The following AHCYL2 variants were observed in gnomAD, a reference collection of about 807,000 sequenced individuals.
AHCYL2 encodes the protein adenosylhomocysteinase like 2.
Under a neutral mutation model 81.4 loss-of-function variants are expected in AHCYL2, and 28 were observed. That is an observed-to-expected ratio of 0.34 (90% CI 0.25 to 0.47). The LOEUF is 0.47. Ranked by LOEUF, AHCYL2 falls within the 20% of genes least tolerant of loss-of-function variation. The probability of loss-of-function intolerance (pLI) is 1.00; values close to 1 mark genes in which losing one functional copy is unlikely to be tolerated. For missense variants in AHCYL2, 551 were observed against 785.1 expected (o/e 0.70, Z 3.56); for synonymous variants, 272 against 290.2 (o/e 0.94, Z 0.64).
intron 1 of AHCYL2, among the ~76,000 whole-genome samples, chr7:129,373,312 G>A (rs1237840871): frequency 3.3e-5 from 5 of 152,144 alleles, no homozygotes; most frequent in African/African-American, 1.2e-4. Flanking sequence ...TTGGGAGGCC[G>A]AGGTGGGCGG....
chr7:129,255,248 G>A (rs895617381), intron 1 of AHCYL2, among the ~76,000 whole-genome samples: 15 of 152,014 alleles, frequency 9.9e-5, no homozygotes, highest in African/African-American at 2.7e-4. Context: ...GTGGCAGAGC[G>A]AGAGTCTGTC....
chr7:129,231,439 A>G (rs1442052327), intron 1 of AHCYL2, among the ~76,000 whole-genome samples: 1 of 152,216 alleles, frequency 6.6e-6, no homozygotes, highest in Non-Finnish European at 1.5e-5. Context: ...TCCCTCCCCC[A>G]CGAGAGAAAA....
chr7:129,363,319 T>C (rs1416414654), intron 1 of AHCYL2, among the ~76,000 whole-genome samples: 1 of 152,208 alleles, frequency 6.6e-6, no homozygotes, highest in Admixed American at 6.5e-5. Flanking sequence ...TTATAACTAG[T>C]ACTTATACCT....
At chr7:129,350,126 G>T (rs1007432833) in intron 1 of AHCYL2, among the ~76,000 whole-genome samples, 20 of 152,140 alleles carry the variant, frequency 1.3e-4, no homozygotes, top group African/African-American at 4.6e-4. Flanking sequence ...GCAGTTCAGG[G>T]TTAATCCATT....
At chr7:129,329,417 A>G (rs1261104503) in intron 1 of AHCYL2, among the ~76,000 whole-genome samples, 10 of 152,096 alleles carry the variant, frequency 6.6e-5, no homozygotes, top group Non-Finnish European at 4.4e-5. Flanking sequence ...TCCTGAGCTC[A>G]GGCAGTCCTC....
At chr7:129,232,243 C>T (rs1273700706) in intron 1 of AHCYL2, among the ~76,000 whole-genome samples, 1 of 152,196 alleles carries the variant, frequency 6.6e-6, no homozygotes, top group Non-Finnish European at 1.5e-5. Context: ...TACTCCGTGT[C>T]AGGAATCTCT....
intron 1 of AHCYL2, among the ~76,000 whole-genome samples, chr7:129,311,862 GA>G (rs1179451716): frequency 6.6e-6 from 1 of 152,178 alleles, no homozygotes; most frequent in Non-Finnish European, 1.5e-5. Context: ...GTTAGGTTCT[GA>G]CTCTTGCAGT....
intron 1 of AHCYL2, among the ~76,000 whole-genome samples, chr7:129,366,803 A>G (rs924572764): frequency 6.6e-6 from 1 of 152,096 alleles, no homozygotes; most frequent in Non-Finnish European, 1.5e-5. Context: ...GTTTATAGAA[A>G]GTTTATTTTG....
chr7:129,393,113 T>C (rs1584872712), intron 4 of AHCYL2, among the ~76,000 whole-genome samples: 1 of 152,198 alleles, frequency 6.6e-6, no homozygotes, highest in African/African-American at 2.4e-5. Flanking sequence ...TTTTTCCCAG[T>C]TTATAATTAA....
chr7:129,239,549 C>G (rs1034399061), intron 1 of AHCYL2, among the ~76,000 whole-genome samples: 7 of 151,820 alleles, frequency 4.6e-5, no homozygotes, highest in Non-Finnish European at 8.8e-5. Context: ...TGGGCTCAAG[C>G]AGTCCTCCTG....
chr7:129,274,660 G>C (rs1796135176), intron 1 of AHCYL2, among the ~76,000 whole-genome samples: 1 of 152,106 alleles, frequency 6.6e-6, no homozygotes, highest in Admixed American at 6.6e-5. Context: ...TTCTGCCTGT[G>C]CCCGTTGGAA....
At chr7:129,350,262 C>G (rs1222024895) in intron 1 of AHCYL2, among the ~76,000 whole-genome samples, 1 of 152,078 alleles carries the variant, frequency 6.6e-6, no homozygotes, top group East Asian at 1.9e-4. Context: ...ATACTTGTTT[C>G]CTCAGTTGTG....
At chr7:129,278,538 C>T (rs940200282) in intron 1 of AHCYL2, among the ~76,000 whole-genome samples, 2 of 151,992 alleles carry the variant, frequency 1.3e-5, no homozygotes, top group Non-Finnish European at 2.9e-5. Flanking sequence ...CAATGCCTTT[C>T]GAAAAGCAAA....
chr7:129,326,336 G>A (rs1191818967), intron 1 of AHCYL2, among the ~76,000 whole-genome samples: 1 of 151,992 alleles, frequency 6.6e-6, no homozygotes, highest in Non-Finnish European at 1.5e-5. Flanking sequence ...AGACCAGCCT[G>A]GCCAACATGG....
At chr7:129,369,596 A>G (rs1277532679) in intron 1 of AHCYL2, among the ~76,000 whole-genome samples, 1 of 133,390 alleles carries the variant, frequency 7.5e-6, no homozygotes, top group Non-Finnish European at 1.5e-5. Context: ...TCTGTTGTCC[A>G]GGCTGGAGTG....
At chr7:129,395,964 C>G (rs1205565157) in intron 4 of AHCYL2, among the ~76,000 whole-genome samples, 1 of 152,206 alleles carries the variant, frequency 6.6e-6, no homozygotes, top group Non-Finnish European at 1.5e-5. Context: ...AGTCTTCCCT[C>G]TCTCTTTAAA....
At chr7:129,381,907 T>G (rs1481773945) in intron 2 of AHCYL2, among the ~76,000 whole-genome samples, 1 of 152,246 alleles carries the variant, frequency 6.6e-6, no homozygotes. Context: ...AATGTTTGCT[T>G]CTTTAGCAGC....
chr7:129,322,484 A>G (rs1045520609), intron 1 of AHCYL2, among the ~76,000 whole-genome samples: 4 of 152,142 alleles, frequency 2.6e-5, no homozygotes, highest in African/African-American at 9.7e-5. Flanking sequence ...AAATATTTCT[A>G]TATATTCTAT....
At chr7:129,358,679 T>C (rs1793829073) in intron 1 of AHCYL2, among the ~76,000 whole-genome samples, 1 of 152,216 alleles carries the variant, frequency 6.6e-6, no homozygotes, top group Admixed American at 6.5e-5. Context: ...GTGGTGATGG[T>C]TGCACAATGT....
Sources: allele counts gnomAD v4.1 joint callset (sites outside exome capture counted in the v4.1 genomes callset), GRCh38; gene constraint gnomAD v4.1.1; transcripts MANE v1.5; gene names NCBI Gene and HGNC (gene_info 2026-07-23, HGNC 2026-07-21).